JAZF1: variants seen among roughly 807,000 people sequenced by gnomAD.
JAZF1 encodes JAZF zinc finger 1, also known as juxtaposed with another zinc finger protein 1.
JAZF1 carries 8 observed loss-of-function variants against 26.4 expected under a neutral mutation model. The observed-to-expected ratio is 0.30, with a 90% CI of 0.18 to 0.55. The LOEUF (loss-of-function observed/expected upper bound fraction) is 0.55. JAZF1 is among the 20% of genes least tolerant of loss of function. The probability of loss-of-function intolerance (pLI) is 0.94; values close to 1 mark genes in which losing one functional copy is unlikely to be tolerated. For missense variants in JAZF1, 199 were observed against 322.0 expected (o/e 0.62, Z 2.92); for synonymous variants, 126 against 122.3 (o/e 1.03, Z -0.20).
At chr7:28,098,761 T>G (rs1784423855) in intron 1 of JAZF1, among the ~76,000 whole-genome samples, 3 of 152,198 alleles carry the variant, frequency 2.0e-5, no homozygotes, top group South Asian at 4.1e-4. Flanking sequence ...ACACTGACTG[T>G]GTACTGACAA....
At chr7:28,007,568 CAA>C (rs538366542) in intron 1 of JAZF1, among the ~76,000 whole-genome samples, 1 of 134,118 alleles carries the variant, frequency 7.5e-6, no homozygotes, top group Non-Finnish European at 1.6e-5. Flanking sequence ...GACTCCATCT[CAA>C]AAAAAAAAAA....
chr7:27,966,576 T>A (rs1479057113), intron 2 of JAZF1, among the ~76,000 whole-genome samples: 1 of 152,148 alleles, frequency 6.6e-6, no homozygotes, highest in East Asian at 1.9e-4. Context: ...GTAAAGGAGA[T>A]GAGGTCCATA....
chr7:27,872,818 G>T (rs1352135091), intron 3 of JAZF1, among the ~76,000 whole-genome samples: 1 of 151,370 alleles, frequency 6.6e-6, no homozygotes, highest in African/African-American at 2.5e-5. Flanking sequence ...ACTTGGGTTC[G>T]ATTTTTTTTT....
rs375380637 is a variant in JAZF1, at chr7:28,109,512, G to A, written c.115+70951C>T. 1.1e-4 allele frequency among the ~76,000 whole-genome samples: 17 copies of A among 152,098 alleles called. No homozygotes were observed. In the East Asian group the frequency reaches 2.3e-3, roughly 21 times the overall value. ...CTCTCTCAAGGTATATCAACCACCT[G>A]CCCAGGAAAAAAACATCTGTAATAA... On this transcript the variant is annotated intron_variant, in intron 1 of 4. Coordinates refer to ENST00000283928, the MANE Select transcript of JAZF1 (RefSeq NM_175061.4).
chr7:27,991,486 G>A lies in JAZF1; in HGVS notation c.188+423C>T, dbSNP rs192005399. Among the ~76,000 whole-genome samples, 6 of 152,234 alleles carry A rather than the reference G, an allele frequency of 3.9e-5. No homozygotes were observed. The East Asian group carries it at 1.2e-3, about 29-fold the overall frequency. ...GAATGTTTTTACTAAAAGATGAGCT[G>A]CTTCTAAATAACTTTCTGATATTAA... On this transcript the variant is annotated intron_variant, in intron 2 of 4. Coordinates refer to ENST00000283928, the MANE Select transcript of JAZF1 (RefSeq NM_175061.4).
At chr7:28,013,108 T>C (rs1448159037) in intron 1 of JAZF1, among the ~76,000 whole-genome samples, 2 of 152,088 alleles carry the variant, frequency 1.3e-5, no homozygotes, top group African/African-American at 4.8e-5. Context: ...ATAGCCCCAG[T>C]GATTCCAGTT....
At chr7:28,017,025 T>A (rs1171718551) in intron 1 of JAZF1, among the ~76,000 whole-genome samples, 1 of 152,158 alleles carries the variant, frequency 6.6e-6, no homozygotes, top group East Asian at 1.9e-4. Flanking sequence ...GTGACAGCCA[T>A]CCTACTCTCT....
chr7:27,960,402 T>G (rs1425487456), intron 2 of JAZF1, among the ~76,000 whole-genome samples: 1 of 152,236 alleles, frequency 6.6e-6, no homozygotes, highest in East Asian at 1.9e-4. Context: ...TACACTCACT[T>G]TGGGGTAACC....
intron 2 of JAZF1, among the ~76,000 whole-genome samples, chr7:27,967,411 G>A (rs1457575628): frequency 1.3e-5 from 2 of 152,176 alleles, no homozygotes; most frequent in East Asian, 3.9e-4. Flanking sequence ...CTGACTGTCC[G>A]ATCCCTCTCA....
chr7:28,114,748 G>C (rs1048234813), intron 1 of JAZF1, among the ~76,000 whole-genome samples: 1 of 151,546 alleles, frequency 6.6e-6, no homozygotes, highest in South Asian at 2.1e-4. Flanking sequence ...GTGGTACTGA[G>C]GATGAGTGTG....
At chr7:27,847,887 C>T (rs1008563971) in intron 3 of JAZF1, among the ~76,000 whole-genome samples, 22 of 152,022 alleles carry the variant, frequency 1.4e-4, no homozygotes, top group Admixed American at 2.0e-4. Context: ...AGGGTGGTCT[C>T]GAACTCCTGA....
chr7:28,062,897 A>G (rs568643179), intron 1 of JAZF1, among the ~76,000 whole-genome samples: 2 of 152,276 alleles, frequency 1.3e-5, no homozygotes, highest in East Asian at 3.9e-4. Flanking sequence ...CTGAATTCAT[A>G]TAGTCATCTA....
chr7:28,147,468 A>C (rs528378313), intron 1 of JAZF1, among the ~76,000 whole-genome samples: 91 of 151,552 alleles, frequency 6.0e-4, no homozygotes, highest in African/African-American at 2.1e-3. Flanking sequence ...CTTTCAGATC[A>C]CTTTTCCTCT....
At chr7:28,136,081 G>A (rs188785254) in intron 1 of JAZF1, among the ~76,000 whole-genome samples, 1 of 152,258 alleles carries the variant, frequency 6.6e-6, no homozygotes, top group Admixed American at 6.5e-5. Flanking sequence ...AATCTACAAC[G>A]CTGCTATGGA....
chr7:28,056,400 C>T (rs547876018), intron 1 of JAZF1, among the ~76,000 whole-genome samples: 4 of 151,132 alleles, frequency 2.6e-5, no homozygotes, highest in South Asian at 2.1e-4. Context: ...GGCAACATCA[C>T]GTGGCAGCTT....
chr7:28,123,497 A>T (rs1388027503), intron 1 of JAZF1, among the ~76,000 whole-genome samples: 1 of 152,226 alleles, frequency 6.6e-6, no homozygotes, highest in Non-Finnish European at 1.5e-5. Context: ...TTGCAACCCC[A>T]GTGACCAGCA....
intron 3 of JAZF1, among the ~76,000 whole-genome samples, chr7:27,865,236 A>T (rs1461405643): frequency 1.3e-5 from 2 of 152,150 alleles, no homozygotes; most frequent in Admixed American, 6.5e-5. Flanking sequence ...CAGGTGCAGT[A>T]GCACACGCTT....
intron 1 of JAZF1, among the ~76,000 whole-genome samples, chr7:28,097,156 C>T (rs1015261039): frequency 5.3e-5 from 8 of 152,122 alleles, no homozygotes; most frequent in Non-Finnish European, 1.2e-4. Context: ...CCACACTAAC[C>T]AACTTTTCAG....
chr7:27,833,162 G>A (rs566291786), intron 4 of JAZF1, 186 bp from the exon 5 acceptor site: 1 of 384,376 alleles, frequency 2.6e-6, no homozygotes, highest in African/African-American at 2.1e-5. Flanking sequence ...TGTACGGATG[G>A]TCACACACAC....
Sources: allele counts gnomAD v4.1 joint callset (sites outside exome capture counted in the v4.1 genomes callset), GRCh38; gene constraint gnomAD v4.1.1; transcripts MANE v1.5; gene names NCBI Gene and HGNC (gene_info 2026-07-23, HGNC 2026-07-21).